The following HECW2 variants were observed in gnomAD, a reference collection of about 807,000 sequenced individuals.
HECW2 encodes the protein E3 ubiquitin-protein ligase HECW2.
Under a neutral mutation model 175.2 loss-of-function variants are expected in HECW2, and 61 were observed. That is an observed-to-expected ratio of 0.35 (90% CI 0.28 to 0.43). The LOEUF (loss-of-function observed/expected upper bound fraction) is 0.43. HECW2 is among the 20% of genes least tolerant of loss of function. The pLI is 1.00. For synonymous variants in HECW2, 671 were observed against 731.0 expected (o/e 0.92, Z 1.32); for missense variants, 1,524 against 2,000.5 (o/e 0.76, Z 4.54).
intron 21 of HECW2, chr2:196,239,955 G>A (rs1431048935): frequency 6.6e-6 from 1 of 152,242 alleles, no homozygotes; most frequent in Non-Finnish European, 1.5e-5. Flanking sequence ...AAAACTGGAG[G>A]CAGAGAAATA....
chr2:196,482,001 T>C (rs1319464333), intron 1 of HECW2, among the ~76,000 whole-genome samples: 3 of 152,226 alleles, frequency 2.0e-5, no homozygotes, highest in East Asian at 1.9e-4. Context: ...GTGGGATACA[T>C]AATTTGCAGG....
intron 1 of HECW2, among the ~76,000 whole-genome samples, chr2:196,491,499 TATAC>T (rs199527122): frequency 0.1 from 13,281 of 131,950 alleles, 716 homozygotes; most frequent in African/African-American, 0.15. Context: ...CATATATATA[TATAC>T]ACACACACAC....
At position 196,328,585 on chromosome 2, in the gene HECW2, C is replaced by A. The variant is rs73988168; in HGVS notation, c.571+990G>T. Among the ~76,000 whole-genome samples the A allele has an allele frequency of 3.8e-3, 573 of 152,142 alleles. 3 individuals carry two copies. The highest frequency in any genetic ancestry group is 0.013 in the African/African-American group (538 of 41,482). ...TCTGTTTCAGGATCAGGTCTTTTAA[C>A]GCTCACTCTCACAACACGTTTTTTG... On this transcript the variant is annotated intron_variant, in intron 5 of 28. Transcript: ENST00000644978.
intron 2 of HECW2, among the ~76,000 whole-genome samples, chr2:196,401,132 T>C (rs1382151754): frequency 2.0e-5 from 3 of 152,232 alleles, no homozygotes; most frequent in Admixed American, 6.5e-5. Context: ...TTTTTTGAAA[T>C]ACTGACACAA....
intron 1 of HECW2, among the ~76,000 whole-genome samples, chr2:196,442,758 T>C (rs1696077201): frequency 1.3e-5 from 2 of 152,192 alleles, no homozygotes; most frequent in African/African-American, 2.4e-5. Context: ...TTTCAAGTTA[T>C]AGACAGTGGG....
At chr2:196,377,476 T>C (rs1207135682) in intron 2 of HECW2, among the ~76,000 whole-genome samples, 1 of 152,142 alleles carries the variant, frequency 6.6e-6, no homozygotes, top group Non-Finnish European at 1.5e-5. Flanking sequence ...ACGTCTTACA[T>C]GGTAGCAGGC....
At chr2:196,530,935 C>T (rs1314348207) in intron 1 of HECW2, among the ~76,000 whole-genome samples, 5 of 152,172 alleles carry the variant, frequency 3.3e-5, no homozygotes, top group Admixed American at 2.0e-4. Context: ...CATGAGTTCT[C>T]GCACATGTTC....
chr2:196,347,034 C>T (rs1003728333), intron 2 of HECW2, among the ~76,000 whole-genome samples: 3 of 150,952 alleles, frequency 2.0e-5, no homozygotes, highest in African/African-American at 7.3e-5. Context: ...ATTCCATTTC[C>T]GTTTGGTGAC....
chr2:196,431,870 G>A (rs994980985), intron 2 of HECW2, among the ~76,000 whole-genome samples: 1 of 152,176 alleles, frequency 6.6e-6, no homozygotes, highest in African/African-American at 2.4e-5. Context: ...TAACCATTAA[G>A]AGTTATATAA....
intron 11 of HECW2, among the ~76,000 whole-genome samples, chr2:196,307,726 CA>C (rs1691321923): frequency 6.6e-6 from 1 of 151,972 alleles, no homozygotes; most frequent in African/African-American, 2.4e-5. Context: ...CTCTAGTTTC[CA>C]AACAAGGTAT....
At chr2:196,235,769 C>T (rs1688229550) in intron 21 of HECW2, among the ~76,000 whole-genome samples, 1 of 149,628 alleles carries the variant, frequency 6.7e-6, no homozygotes, top group African/African-American at 2.5e-5. Flanking sequence ...CATTCTCCTG[C>T]CTCAGCCTCC....
intron 1 of HECW2, among the ~76,000 whole-genome samples, chr2:196,475,603 A>G (rs1301654342): frequency 6.6e-6 from 1 of 152,206 alleles, no homozygotes; most frequent in East Asian, 1.9e-4. Context: ...TCATCTTAGC[A>G]GTGACAAGAT....
intron 1 of HECW2, among the ~76,000 whole-genome samples, chr2:196,464,972 G>A (rs942860920): frequency 2.2e-4 from 33 of 152,254 alleles, no homozygotes; most frequent in African/African-American, 7.5e-4. Context: ...AACCCAGGAG[G>A]TGGAGGTGAG....
At chr2:196,534,269 C>T (rs1327756981) in intron 1 of HECW2, among the ~76,000 whole-genome samples, 3 of 144,628 alleles carry the variant, frequency 2.1e-5, no homozygotes, top group African/African-American at 5.6e-5. Flanking sequence ...TCAGGGCCTC[C>T]GTTTTTGTGC....
At chr2:196,377,803 GTT>G (rs1694093455) in intron 2 of HECW2, among the ~76,000 whole-genome samples, 1 of 152,150 alleles carries the variant, frequency 6.6e-6, no homozygotes, top group African/African-American at 2.4e-5. Flanking sequence ...CTTAAAATAA[GTT>G]TTTCTCACTG....
At chr2:196,401,711 T>G (rs1043191428) in intron 2 of HECW2, among the ~76,000 whole-genome samples, 1 of 152,352 alleles carries the variant, frequency 6.6e-6, no homozygotes, top group Non-Finnish European at 1.5e-5. Flanking sequence ...ATGTGAATAT[T>G]CAGGATGTTT....
In HECW2 at chr2:196,325,107, G is replaced by C; in HGVS notation, c.614C>G (p.Pro205Arg). ...AATTGACATCTTAAGATAAGGGTCA[G>C]GATTGAAGAACATCCCTTTCTTTAG... ...VGLKKGMFFN[P>R]DPYLKMSIQP... The change falls in exon 6 of 29, where the codon CCT becomes CGT. Residue 205 changes from proline (P) to arginine (R), a missense_variant. Around this residue, in one of 11 missense-constraint regions of HECW2, gnomAD observed 95 missense variants for 136.8 expected, o/e 0.69. Coordinates refer to ENST00000644978, the MANE Select transcript of HECW2 (RefSeq NM_001348768.2). 1 of 1,610,056 alleles carries C rather than the reference G, an allele frequency of 6.2e-7. No homozygotes were observed. Among genetic ancestry groups the C allele is most frequent in the Non-Finnish European group, 8.5e-7 (1 of 1,178,504 alleles).
intron 28 of HECW2, among the ~76,000 whole-genome samples, chr2:196,209,197 CT>C (rs1687175752): frequency 6.6e-6 from 1 of 152,202 alleles, no homozygotes; most frequent in Non-Finnish European, 1.5e-5. Flanking sequence ...TTGACTTGGA[CT>C]ATCCTGTCCT....
intron 1 of HECW2, among the ~76,000 whole-genome samples, chr2:196,488,360 A>G (rs1687075870): frequency 6.6e-6 from 1 of 152,208 alleles, no homozygotes; most frequent in African/African-American, 2.4e-5. Context: ...AAAAGAGATC[A>G]AGACCAGAAA....
Sources: gnomAD v4.1 joint callset for allele counts (sites outside exome capture counted in the v4.1 genomes callset) on GRCh38, gnomAD v4.1.1 for gene constraint, gnomAD v4.1.1 regional missense constraint, MANE v1.5 for transcripts, NCBI Gene and HGNC (gene_info 2026-07-23, HGNC 2026-07-21) for gene names.